RBBP8NL: variants seen among roughly 807,000 people sequenced by gnomAD.
RBBP8NL encodes the protein RBBP8 N-terminal-like protein.
In RBBP8NL, 59 loss-of-function variants were observed where a neutral mutation model predicts 62.2. That is an observed-to-expected ratio of 0.95 (90% CI 0.77 to 1.18). The LOEUF is 1.18. Among genes scored for constraint, RBBP8NL ranks in the 50% most tolerant of loss-of-function variants. The pLI is 0.00. For missense variants in RBBP8NL, 896 were observed against 899.5 expected (o/e 1.00, Z 0.05); for synonymous variants, 412 against 394.1 (o/e 1.05, Z -0.54).
At chr20:62,418,551 G>A in intron 2 of RBBP8NL, 86 bp from the exon 3 acceptor site, 1 of 1,311,724 alleles carries the variant, frequency 7.6e-7, no homozygotes, top group Non-Finnish European at 1.1e-6. Context: ...GGGCAGAGCT[G>A]CAATGTGGCA....
chr20:62,423,539 G>T (rs144841066), intron 1 of RBBP8NL, among the ~76,000 whole-genome samples: 7 of 152,188 alleles, frequency 4.6e-5, no homozygotes, highest in African/African-American at 1.7e-4. Context: ...CTCTTCCCTG[G>T]CCCCCAGCAT....
rs1458583517 is a variant in RBBP8NL at position 62,410,445 on chromosome 20, AC to A, written c.*432del. On this transcript the variant is annotated 3_prime_UTR_variant, in exon 14 of 14. Coordinates refer to ENST00000252998, the MANE Select transcript of RBBP8NL (RefSeq NM_080833.3). ...CCCAGAGCGTGGGCACTGCCTGGGAACGGCTGCAGTGCACAGCAGGGGTAGG... is the reference window on the plus strand; with the variant it reads ...CCCAGAGCGTGGGCACTGCCTGGGAAGGCTGCAGTGCACAGCAGGGGTAGG... 1 of 161,934 alleles carries A rather than the reference AC, an allele frequency of 6.2e-6. No homozygotes were observed. The allele number at this position is 161,934 out of a possible 1,614,324, so 10.0% of individuals were successfully genotyped here.
At position 62,418,428 on chromosome 20, in the gene RBBP8NL, C is replaced by T. The variant is rs1189157905; in HGVS notation, c.99G>A (p.Arg33=). Residue 33 remains arginine, a synonymous_variant, in exon 3 of 14, where the codon AGG becomes AGA. Transcript: ENST00000252998. The part of the protein sequence containing the change: ...QNKLLELNSE[R]CRDAQRIEEL... ...CCCTGCTTGGCCTGACTCACCGGCA[C>T]CTCTCTGAGTTCAGTTCCAGAAGCT... is the stretch of plus-strand genomic sequence containing the variant. 1.2e-5 allele frequency: 19 copies of T among 1,550,284 alleles called. No individual in the cohort carries two copies. The highest frequency in any genetic ancestry group is 1.6e-5 in the Non-Finnish European group (18 of 1,146,936).
rs143840197 is a variant in RBBP8NL, at chr20:62,412,036, G to T, written c.1876+588C>A. Among the ~76,000 whole-genome samples the T allele has an allele frequency of 5.7e-3, 863 of 152,374 alleles. 6 individuals carry two copies. The highest frequency in any genetic ancestry group is 0.017 in the Middle Eastern group (5 of 294). ...TTGAGCCCAGAGCAGGAAGTGAAAA[G>T]TTGTCCCGATACCCTCGGACCAGGG... is the stretch of plus-strand genomic sequence containing the variant. On this transcript the variant is annotated intron_variant, in intron 13 of 13. Transcript: ENST00000252998.
chr20:62,423,847 T>G (rs955545591), intron 1 of RBBP8NL, among the ~76,000 whole-genome samples: 1 of 151,964 alleles, frequency 6.6e-6, no homozygotes, highest in Non-Finnish European at 1.5e-5. Flanking sequence ...GAACCAGGAT[T>G]GTAGAAATTC....
intron 1 of RBBP8NL, among the ~76,000 whole-genome samples, chr20:62,422,524 G>A (rs1323019082): frequency 7.1e-6 from 1 of 140,052 alleles, no homozygotes; most frequent in African/African-American, 2.7e-5. Context: ...GAGGCCTTGG[G>A]ACCCCGAGAG....
chr20:62,416,626 G>T, intron 5 of RBBP8NL, 134 bp downstream of exon 5: 1 of 647,132 alleles, frequency 1.5e-6, no homozygotes, highest in South Asian at 1.9e-5. Flanking sequence ...TGTAGATTGG[G>T]TTGTGAGGTT....
chr20:62,426,810 T>C (rs1238909226), intron 1 of RBBP8NL, among the ~76,000 whole-genome samples: 1 of 152,132 alleles, frequency 6.6e-6, no homozygotes, highest in Admixed American at 6.5e-5. Context: ...TGCACTCGTG[T>C]GTACACATAA....
chr20:62,419,879 C>A, intron 1 of RBBP8NL, 149 bp from the exon 2 acceptor site: 1 of 552,128 alleles, frequency 1.8e-6, no homozygotes. Context: ...CCTGGAGGCT[C>A]CCGAACCCCA....
Position 62,414,526 on chromosome 20 carries a change from C to T in RBBP8NL, c.825G>A (p.Met275Ile). ...GGGAGAGCTTCGGGGCCTCATGGGT[C>T]ATGGCGGAGGGCCGGGAGGCCCGCA... ...SFLRASRPSAMTHEAPKLSPK... is the reference protein window; with the variant it reads ...SFLRASRPSAITHEAPKLSPK... Residue 275 changes from methionine (M) to isoleucine (I), a missense_variant, in exon 10 of 14, where the codon ATG becomes ATA. Coordinates refer to ENST00000252998, the MANE Select transcript of RBBP8NL (RefSeq NM_080833.3). The T allele has an allele frequency of 7.0e-7, 1 of 1,434,654 alleles. No homozygotes were observed. Among genetic ancestry groups the T allele is most frequent in the Non-Finnish European group, 9.2e-7 (1 of 1,089,328 alleles). 88.9% of individuals were successfully genotyped at this position (1,434,654 alleles called of 1,614,324 possible). A position where few individuals can be genotyped will look rare whatever the true frequency, so the allele number is the denominator to read the frequency against.
At chr20:62,426,188 C>T (rs1005030690) in intron 1 of RBBP8NL, among the ~76,000 whole-genome samples, 14 of 149,572 alleles carry the variant, frequency 9.4e-5, no homozygotes, top group East Asian at 5.9e-4. Context: ...GCAGCGGCAG[C>T]GGCAGTGGCA....
At chr20:62,420,412 A>G (rs1988674696) in intron 1 of RBBP8NL, among the ~76,000 whole-genome samples, 1 of 151,786 alleles carries the variant, frequency 6.6e-6, no homozygotes. Context: ...TGTGCACACA[A>G]CACACATGCA....
Position 62,415,652 on chromosome 20 carries a change from C to A in RBBP8NL, c.553G>T (p.Ala185Ser), listed in dbSNP as rs1388250044. ...GCCACTGGAGATGTCCTGTGCCCTG[C>A]TGGCTTTTCTGTGGGAGGAGAAGCC... ...GVGLRGEEKP[A>S]GHRTSPVAKI... Residue 185 changes from alanine (A) to serine (S), a missense_variant, in exon 8 of 14, where the codon GCA becomes TCA. Ala to Ser is a moderately conservative substitution (Grantham distance 99, BLOSUM62 1). Coordinates refer to ENST00000252998, the MANE Select transcript of RBBP8NL (RefSeq NM_080833.3). 16 of 1,612,790 alleles carry A rather than the reference C, an allele frequency of 9.9e-6. No individual in the cohort carries two copies. Among genetic ancestry groups the A allele is most frequent in the Non-Finnish European group, 1.4e-5 (16 of 1,179,846 alleles).
At chr20:62,422,423 G>T (rs1029943257) in intron 1 of RBBP8NL, among the ~76,000 whole-genome samples, 2 of 151,142 alleles carry the variant, frequency 1.3e-5, no homozygotes, top group African/African-American at 4.9e-5. Flanking sequence ...AGAGGCACTT[G>T]CCCTGGGGCC....
In RBBP8NL at chr20:62,414,456, G is replaced by A; in HGVS notation, c.895C>T (p.His299Tyr). The change falls in exon 10 of 14, where the codon CAC becomes TAC. Residue 299 changes from histidine (H) to tyrosine (Y), a missense_variant. Transcript: ENST00000252998. Reference sequence around the variant, plus strand: ...GGGCTGCTGTGGGGGCTCTGAAGGTGCAGGGACAGGGGGCGGTTTAGGAGG... The same window carrying A: ...GGGCTGCTGTGGGGGCTCTGAAGGTACAGGGACAGGGGGCGGTTTAGGAGG... ...LCLLNRPLSLHLQSPHSSPLA... is the reference protein window; with the variant it reads ...LCLLNRPLSLYLQSPHSSPLA... 2.0e-6 allele frequency: 3 copies of A among 1,493,992 alleles called. No homozygotes were observed. The highest frequency in any genetic ancestry group is 2.7e-6 in the Non-Finnish European group (3 of 1,117,834). The allele number at this position is 1,493,992 out of a possible 1,614,324, so 92.5% of individuals were successfully genotyped here.
At chr20:62,426,044 CAGTGGT>C (rs1988799237) in intron 1 of RBBP8NL, among the ~76,000 whole-genome samples, 1 of 148,530 alleles carries the variant, frequency 6.7e-6, no homozygotes, top group Non-Finnish European at 1.5e-5. Context: ...GTGGCAGTGG[CAGTGGT>C]AGCAGTAGCA....
At chr20:62,416,276 G>GGGTGGGTGGGGGGGGGT in intron 5 of RBBP8NL, 40 bp from the exon 6 acceptor site, 1 of 1,381,148 alleles carries the variant, frequency 7.2e-7, no homozygotes, top group Admixed American at 1.9e-5. Flanking sequence ...CAGGGGTTGG[G>GGGTGGGTGGGGGGGGGT]GGGGACAGGG....
intron 1 of RBBP8NL, among the ~76,000 whole-genome samples, chr20:62,426,314 G>A (rs1372379202): frequency 1.3e-5 from 2 of 152,272 alleles, no homozygotes; most frequent in Admixed American, 6.5e-5. Context: ...CTGCAGCTTT[G>A]CTGAGGAAGC....
In RBBP8NL at chr20:62,414,235, A is replaced by G; in HGVS notation, c.1116T>C (p.Ser372=). Residue 372 remains serine (S), a synonymous_variant, in exon 10 of 14, where the codon AGT becomes AGC. Coordinates refer to ENST00000252998, the MANE Select transcript of RBBP8NL (RefSeq NM_080833.3). The part of the protein sequence containing the change: ...QQLRARARAG[S]VRPRGQPTPG... ...GTGTGGGCTGGCCCCTTGGCCTGAC[A>G]CTGCCTGCCCTGGCCCTAGCCCGCA... 3.7e-6 allele frequency: 6 copies of G among 1,601,054 alleles called. No homozygotes were observed. Among genetic ancestry groups the G allele is most frequent in the East Asian group, 2.2e-5 (1 of 44,514 alleles).
Sources: gnomAD v4.1 joint callset for allele counts (sites outside exome capture counted in the v4.1 genomes callset) on GRCh38, gnomAD v4.1.1 for gene constraint, MANE v1.5 for transcripts, NCBI Gene and HGNC (gene_info 2026-07-23, HGNC 2026-07-21) for gene names.